Variants in SGPP2 observed in about 807,000 individuals in gnomAD.
The protein encoded by SGPP2 is sphingosine 1-phosphate phosphohydrolase 2.
In SGPP2, 30 loss-of-function variants were observed where a neutral mutation model predicts 33.9. The ratio of observed to expected loss-of-function variants is 0.89; its 90% CI spans 0.66 to 1.20. SGPP2 has a LOEUF of 1.20. SGPP2 is among the 50% of genes most tolerant of loss of function. SGPP2 has a pLI of 0.00. For missense variants in SGPP2, 458 were observed against 532.1 expected, an observed-to-expected ratio of 0.86 and a Z score of 1.37; for synonymous variants, 233 against 225.0, an observed-to-expected ratio of 1.04 and a Z score of -0.32.
Position 222,459,721 on chromosome 2 carries a change from T to G in SGPP2, c.220-14847T>G, listed in dbSNP as rs115698500. ...GAACATGAACCTCTATCTACCATTC[T>G]GAAATGAGGGCTGTGAGGACTTTGT... On this transcript the variant is annotated intron_variant, in intron 1 of 4. Coordinates refer to ENST00000321276, the MANE Select transcript of SGPP2 (RefSeq NM_152386.4). 4.2e-3 allele frequency among the ~76,000 whole-genome samples: 638 copies of G among 152,272 alleles called. 4 individuals are homozygous for G. Among genetic ancestry groups the G allele is most frequent in the Middle Eastern group, 0.017 (5 of 292 alleles).
chr2:222,520,164 C>T (rs1024395614), intron 2 of SGPP2, among the ~76,000 whole-genome samples: 1 of 152,212 alleles, frequency 6.6e-6, no homozygotes, highest in Non-Finnish European at 1.5e-5. Flanking sequence ...TTCCCCACAG[C>T]CTCACCAGCA....
intron 1 of SGPP2, among the ~76,000 whole-genome samples, chr2:222,467,594 T>C (rs77846042): frequency 0.016 from 2,494 of 152,256 alleles, 70 homozygotes; most frequent in African/African-American, 0.057. Flanking sequence ...TAGGCCTTCC[T>C]TCTTCCCTGC....
intron 2 of SGPP2, chr2:222,504,989 G>T (rs1273769088): frequency 2.6e-5 from 4 of 152,316 alleles, no homozygotes; most frequent in African/African-American, 9.6e-5. Flanking sequence ...TGGATAGCAA[G>T]GCTTACAAGT....
intron 1 of SGPP2, among the ~76,000 whole-genome samples, chr2:222,451,393 G>T (rs377392357): frequency 6.6e-6 from 1 of 152,228 alleles, no homozygotes. Flanking sequence ...CATTTAGAAA[G>T]TATGTGACCA....
chr2:222,447,413 T>A (rs3856550), intron 1 of SGPP2, among the ~76,000 whole-genome samples: 114,718 of 152,050 alleles, frequency 0.75, 43,515 homozygotes, highest in Middle Eastern at 0.87. Context: ...CACAAGAAAG[T>A]GGGTAGTGTC....
intron 2 of SGPP2, among the ~76,000 whole-genome samples, chr2:222,515,347 G>A (rs1173395889): frequency 6.6e-6 from 1 of 151,800 alleles, no homozygotes; most frequent in East Asian, 1.9e-4. Context: ...TTCTTTTTCT[G>A]GGATGGAGTC....
intron 4 of SGPP2, among the ~76,000 whole-genome samples, chr2:222,532,475 A>G (rs1439700955): frequency 6.6e-6 from 1 of 152,156 alleles, no homozygotes; most frequent in Non-Finnish European, 1.5e-5. Flanking sequence ...GGCAGGCCCA[A>G]CTGAAGCATG....
At chr2:222,469,166 A>G (rs1319996871) in intron 1 of SGPP2, among the ~76,000 whole-genome samples, 1 of 152,108 alleles carries the variant, frequency 6.6e-6, no homozygotes, top group Non-Finnish European at 1.5e-5. Context: ...GACAGATGAG[A>G]TGCATGCTAA....
intron 1 of SGPP2, among the ~76,000 whole-genome samples, chr2:222,455,330 C>T (rs984635441): frequency 1.1e-4 from 17 of 152,106 alleles, no homozygotes; most frequent in Admixed American, 2.6e-4. Flanking sequence ...CATCTCTGAA[C>T]GGAGATGTGT....
At position 222,529,315 on chromosome 2, in the gene SGPP2, T is replaced by A. The variant is rs540918265; in HGVS notation, c.648+4282T>A. 2.6e-5 allele frequency among the ~76,000 whole-genome samples: 4 copies of A among 152,132 alleles called. No individual in the cohort carries two copies. The South Asian group carries it at 8.3e-4, about 32-fold the overall frequency. ...CATCTTCAGGCTCCACATCTAATTC[T>A]AGTTCTCTTGCTATTTTATTTATTT... On this transcript the variant is annotated intron_variant, in intron 4 of 4. Coordinates refer to ENST00000321276, the MANE Select transcript of SGPP2 (RefSeq NM_152386.4).
chr2:222,445,095 G>C (rs1162427138), intron 1 of SGPP2, among the ~76,000 whole-genome samples: 8 of 152,162 alleles, frequency 5.3e-5, no homozygotes, highest in Non-Finnish European at 1.2e-4. Context: ...CCACTTCTGT[G>C]GAGCCCCCAT....
chr2:222,424,967 G>A, intron 1 of SGPP2, 146 bp downstream of exon 1: 1 of 645,796 alleles, frequency 1.5e-6, no homozygotes, highest in Non-Finnish European at 2.2e-6. Flanking sequence ...GAGCGGACGG[G>A]GAGGCCTGGC....
intron 1 of SGPP2, among the ~76,000 whole-genome samples, chr2:222,446,443 C>A (rs1697400513): frequency 6.6e-6 from 1 of 152,184 alleles, no homozygotes; most frequent in African/African-American, 2.4e-5. Context: ...GTACCCAGAA[C>A]CCTGAGGGTT....
At chr2:222,553,406 G>A (rs1443899611) in intron 4 of SGPP2, among the ~76,000 whole-genome samples, 5 of 152,330 alleles carry the variant, frequency 3.3e-5, no homozygotes, top group African/African-American at 2.4e-5. Flanking sequence ...ATGGGAAAGT[G>A]AGAGAAAACC....
rs1393008109 is a variant in SGPP2 at position 222,424,762 on chromosome 2, G to A, written c.160G>A (p.Ala54Thr). The A allele has an allele frequency of 7.1e-7, 1 of 1,409,316 alleles. No homozygotes were observed. The highest frequency in any genetic ancestry group is 9.2e-7 in the Non-Finnish European group (1 of 1,083,612). 87.3% of individuals were successfully genotyped at this position (1,409,316 alleles called of 1,614,324 possible). Residue 54 changes from alanine (A) to threonine (T), a missense_variant, in exon 1 of 5, where the codon GCC becomes ACC. Transcript: ENST00000321276. ...RVPGVEHLPA[A>T]NGKGGEAPAN... is the part of the protein sequence containing the mutation. The stretch of plus-strand genomic sequence containing the variant: ...CCCCGGGGTCGAGCATCTCCCCGCA[G>A]CCAACGGCAAGGGCGGCGAGGCTCC...
intron 2 of SGPP2, among the ~76,000 whole-genome samples, chr2:222,492,764 A>G (rs1698217664): frequency 6.6e-6 from 1 of 152,164 alleles, no homozygotes; most frequent in African/African-American, 2.4e-5. Context: ...CCAAACTTTT[A>G]TGCTCTGCTT....
intron 2 of SGPP2, among the ~76,000 whole-genome samples, chr2:222,485,860 G>A (rs1473886158): frequency 6.6e-6 from 1 of 152,218 alleles, no homozygotes; most frequent in African/African-American, 2.4e-5. Flanking sequence ...TTGGTTAAGT[G>A]CTCTATCTGT....
chr2:222,438,679 A>G (rs1174010878), intron 1 of SGPP2, among the ~76,000 whole-genome samples: 2 of 152,258 alleles, frequency 1.3e-5, no homozygotes, highest in Non-Finnish European at 2.9e-5. Context: ...TTAATCTTAC[A>G]GTAACCCACT....
intron 4 of SGPP2, among the ~76,000 whole-genome samples, chr2:222,529,987 AATCTTGTAC>A (rs1004562751): frequency 6.6e-6 from 1 of 152,202 alleles, no homozygotes; most frequent in African/African-American, 2.4e-5. Flanking sequence ...AAACAACATA[AATCTTGTAC>A]ATCTTGTACA....
Sources: gnomAD v4.1 joint callset for allele counts (sites outside exome capture counted in the v4.1 genomes callset) on GRCh38, gnomAD v4.1.1 for gene constraint, MANE v1.5 for transcripts, NCBI Gene and HGNC (gene_info 2026-07-23, HGNC 2026-07-21) for gene names.